Variants in ELP4 observed in about 807,000 individuals in gnomAD.
The protein encoded by ELP4 is elongator complex protein 4.
ELP4 carries 51 observed loss-of-function variants against 48.9 expected under a neutral mutation model. The observed-to-expected ratio is 1.04, with a 90% confidence interval of 0.83 to 1.32. The LOEUF (loss-of-function observed/expected upper bound fraction) is 1.32. Among genes scored for constraint, ELP4 ranks in the 40% most tolerant of loss-of-function variants. The probability of loss-of-function intolerance (pLI) is 0.00; values close to 1 mark genes in which losing one functional copy is unlikely to be tolerated. For missense variants in ELP4, 519 were observed against 514.6 expected (o/e 1.01, Z -0.08); for synonymous variants, 210 against 189.2 (o/e 1.11, Z -0.90).
At chr11:31,658,597 G>C (rs1485577950) in intron 9 of ELP4, among the ~76,000 whole-genome samples, 1 of 151,812 alleles carries the variant, frequency 6.6e-6, no homozygotes, top group Non-Finnish European at 1.5e-5. Context: ...CAGTCTAAAA[G>C]TGTGCCAAAT....
intron 9 of ELP4, among the ~76,000 whole-genome samples, chr11:31,749,497 A>G (rs1947670449): frequency 6.6e-6 from 1 of 152,224 alleles, no homozygotes; most frequent in Non-Finnish European, 1.5e-5. Context: ...TCTTTTACAC[A>G]TATTCATACA....
intron 9 of ELP4, chr11:31,662,828 A>T: frequency 2.9e-6 from 1 of 343,350 alleles, no homozygotes; most frequent in East Asian, 4.2e-5. Context: ...CTCTGAGAAA[A>T]TACCTAGATT....
At chr11:31,751,643 A>G (rs945778912) in intron 9 of ELP4, among the ~76,000 whole-genome samples, 1 of 152,228 alleles carries the variant, frequency 6.6e-6, no homozygotes, top group Non-Finnish European at 1.5e-5. Flanking sequence ...CTGAGGCTCT[A>G]TCTCAAGCAT....
intron 9 of ELP4, among the ~76,000 whole-genome samples, chr11:31,692,494 T>A (rs1199370084): frequency 1.3e-5 from 2 of 152,184 alleles, no homozygotes; most frequent in Non-Finnish European, 2.9e-5. Context: ...CTAATCTTTG[T>A]GTAGAAAAGT....
At chr11:31,651,006 G>A (rs1012687288) in intron 9 of ELP4, 2 of 151,510 alleles carry the variant, frequency 1.3e-5, no homozygotes, top group African/African-American at 4.8e-5. Flanking sequence ...TCCTAAGCAG[G>A]CCACTTGTCT....
rs897086082 is a variant in ELP4 at position 31,790,109 on chromosome 11, A to C, written c.*6585A>C. On this transcript the variant is annotated 3_prime_UTR_variant, in exon 10 of 10. Transcript: ENST00000640961. ...ATTTATAGGTTTACAAAAAAAAAAA[A>C]AAAAAAAAAAACTAATACTTTCTAA... 1.9e-5 allele frequency: 15 copies of C among 797,162 alleles called. 1 individual carries two copies. The highest frequency in any genetic ancestry group is 3.0e-5 in the Non-Finnish European group (15 of 492,492). 49.4% of individuals were successfully genotyped at this position (797,162 alleles called of 1,614,324 possible).
At position 31,587,134 on chromosome 11, in the gene ELP4, G is replaced by C. The variant is rs555293693; in HGVS notation, c.382-7636G>C. 9.9e-5 allele frequency among the ~76,000 whole-genome samples: 15 copies of C among 152,240 alleles called. No homozygotes were observed. In the South Asian group the frequency reaches 3.1e-3, roughly 32 times the overall value. On this transcript the variant is annotated intron_variant, in intron 3 of 9. Coordinates refer to ENST00000640961, the MANE Select transcript of ELP4 (RefSeq NM_019040.5). Reference sequence around the variant, plus strand: ...CTGCCCTTCTAGAATATAACTTCATGAAAGCAGAGACTTTCTTTACTCTGT... The same window carrying C: ...CTGCCCTTCTAGAATATAACTTCATCAAAGCAGAGACTTTCTTTACTCTGT...
chr11:31,547,933 A>G (rs1482931513), intron 3 of ELP4, among the ~76,000 whole-genome samples: 1 of 152,218 alleles, frequency 6.6e-6, no homozygotes, highest in Non-Finnish European at 1.5e-5. Flanking sequence ...ACAAAATTCA[A>G]CAACCCTTCA....
chr11:31,564,548 G>A (rs182723587), intron 3 of ELP4, among the ~76,000 whole-genome samples: 293 of 152,036 alleles, frequency 1.9e-3, no homozygotes, highest in African/African-American at 6.7e-3. Flanking sequence ...CCCAGGACAA[G>A]CCCCGGTGTG....
intron 4 of ELP4, among the ~76,000 whole-genome samples, chr11:31,597,552 A>T (rs987012761): frequency 1.3e-5 from 2 of 151,984 alleles, no homozygotes; most frequent in African/African-American, 4.8e-5. Flanking sequence ...TGGTGACTGT[A>T]TTCTAATTTT....
chr11:31,709,343 G>T (rs1946694853), intron 9 of ELP4, among the ~76,000 whole-genome samples: 2 of 152,250 alleles, frequency 1.3e-5, no homozygotes, highest in South Asian at 4.1e-4. Context: ...GTCTTCAGGT[G>T]CTAGTTAAGT....
intron 9 of ELP4, among the ~76,000 whole-genome samples, chr11:31,762,944 A>G (rs1947974067): frequency 6.6e-6 from 1 of 151,944 alleles, no homozygotes; most frequent in South Asian, 2.1e-4. Flanking sequence ...TATTAAATAT[A>G]GAAATGAGCA....
chr11:31,665,419 CA>C (rs1333573579), intron 9 of ELP4, among the ~76,000 whole-genome samples: 2 of 152,032 alleles, frequency 1.3e-5, no homozygotes, highest in African/African-American at 4.8e-5. Flanking sequence ...TTTTTTAACA[CA>C]AATATGTTTG....
intron 9 of ELP4, among the ~76,000 whole-genome samples, chr11:31,695,278 T>C (rs900918000): frequency 6.6e-6 from 1 of 152,056 alleles, no homozygotes; most frequent in African/African-American, 2.4e-5. Context: ...ATTCAGTATG[T>C]TATTGGCTGT....
At chr11:31,657,323 G>A (rs1383222322) in intron 9 of ELP4, among the ~76,000 whole-genome samples, 2 of 151,944 alleles carry the variant, frequency 1.3e-5, no homozygotes, top group African/African-American at 2.4e-5. Flanking sequence ...AGTCTGACTG[G>A]CCTGTCTGAA....
chr11:31,552,523 A>G (rs1343072400), intron 3 of ELP4, among the ~76,000 whole-genome samples: 1 of 152,024 alleles, frequency 6.6e-6, no homozygotes, highest in Non-Finnish European at 1.5e-5. Context: ...AGCCTTTCCC[A>G]TCTCAGTTAA....
In ELP4 at chr11:31,789,912, CTTTTTTTTTTTT is replaced by C. The variant is rs759391101; in HGVS notation, c.*6400_*6411del. On this transcript the variant is annotated 3_prime_UTR_variant, in exon 10 of 10. Transcript: ENST00000640961. ...CTGAATTAACACAATATTTCCTTTC[CTTTTTTTTTTTT>C]TTTTTTTTTTTACTGTAATCTTGGC... The C allele has an allele frequency of 1.9e-6, 2 of 1,046,002 alleles. No homozygotes were observed. The highest frequency in any genetic ancestry group is 2.6e-5 in the East Asian group (1 of 38,808). 64.8% of individuals were successfully genotyped at this position (1,046,002 alleles called of 1,614,324 possible). A position where few individuals can be genotyped will look rare whatever the true frequency, so the allele number is the denominator to read the frequency against.
intron 3 of ELP4, among the ~76,000 whole-genome samples, chr11:31,570,343 T>G (rs1483485158): frequency 2.6e-5 from 4 of 151,868 alleles, no homozygotes; most frequent in Non-Finnish European, 5.9e-5. Context: ...GTAAATACTG[T>G]GGAATACAAG....
At chr11:31,621,530 T>G (rs1269157584) in intron 5 of ELP4, among the ~76,000 whole-genome samples, 1 of 151,866 alleles carries the variant, frequency 6.6e-6, no homozygotes, top group Non-Finnish European at 1.5e-5. Context: ...TTTAAACAAT[T>G]TACCTCATAC....
Sources: allele counts gnomAD v4.1 joint callset (sites outside exome capture counted in the v4.1 genomes callset), GRCh38; gene constraint gnomAD v4.1.1; transcripts MANE v1.5; gene names NCBI Gene and HGNC (gene_info 2026-07-23, HGNC 2026-07-21).